Variants in ADGB observed in about 807,000 individuals in gnomAD.
The protein encoded by ADGB is calpain-7-like protein.
A neutral mutation model predicts 210.5 loss-of-function variants in ADGB; 172 were observed. The observed-to-expected ratio is 0.82, with a 90% CI of 0.72 to 0.93. The LOEUF (loss-of-function observed/expected upper bound fraction) is 0.93. Among genes scored for constraint, ADGB ranks in the 40% least tolerant of loss-of-function variants. ADGB has a pLI of 0.00. For synonymous variants in ADGB, 658 were observed against 662.7 expected, an observed-to-expected ratio of 0.99 and a Z score of 0.11; for missense variants, 2,025 against 1,964.8, an observed-to-expected ratio of 1.03 and a Z score of -0.58.
In ADGB at chr6:146,625,124, G is replaced by T. The variant is rs536317686; in HGVS notation, c.75-10251G>T. Among the ~76,000 whole-genome samples, 9 of 152,058 alleles carry T rather than the reference G, an allele frequency of 5.9e-5. No homozygotes were observed. In the South Asian group the frequency reaches 6.2e-4, roughly 10 times the overall value. ...ATTCTTTATCTTCTATAGCCTTATTGATTTTTGATTGGCTTATTCTATCAA... is the reference window on the plus strand; with the variant it reads ...ATTCTTTATCTTCTATAGCCTTATTTATTTTTGATTGGCTTATTCTATCAA... On this transcript the variant is annotated intron_variant, in intron 1 of 35. Transcript: ENST00000397944.
intron 9 of ADGB, among the ~76,000 whole-genome samples, chr6:146,679,490 G>A (rs552951206): frequency 1.3e-5 from 2 of 152,280 alleles, no homozygotes; most frequent in Non-Finnish European, 1.5e-5. Context: ...CAAAATAGCA[G>A]GGGACACACT....
chr6:146,724,331 T>G lies in ADGB; in HGVS notation c.2237+4T>G. 1 of 1,504,404 alleles carries G rather than the reference T, an allele frequency of 6.6e-7. No homozygotes were observed. The highest frequency in any genetic ancestry group is 8.9e-7 in the Non-Finnish European group (1 of 1,128,556). The allele number at this position is 1,504,404 out of a possible 1,614,324, so 93.2% of individuals were successfully genotyped here. ...CAGTGGTTCGTCTGCCTGTTGGGTA[T>G]GAAGTGGCTTCATTTTTCCCATAAT... On this transcript the variant is annotated splice_donor_region_variant and intron_variant, in intron 18 of 35. Transcript: ENST00000397944.
In ADGB at chr6:146,784,745, G is replaced by T. The variant is rs761609800; in HGVS notation, c.4163G>T (p.Arg1388Leu). ...GATACAGAAAGGGCAGATGAAATCC[G>T]AGCCATGAAACAAGCCTGGGAGACA... ...KKDTERADEI[R>L]AMKQAWETTE... The change falls in exon 31 of 36, where the codon CGA becomes CTA. Residue 1388 changes from arginine (R) to leucine (L), a missense_variant. Physicochemically the swap from Arg to Leu is moderately radical, Grantham distance 102. Coordinates refer to ENST00000397944, the MANE Select transcript of ADGB (RefSeq NM_024694.4). 1.9e-6 allele frequency: 3 copies of T among 1,550,926 alleles called. No homozygotes were observed. In the South Asian group the frequency reaches 3.6e-5, roughly 18 times the overall value.
intron 13 of ADGB, among the ~76,000 whole-genome samples, chr6:146,706,278 TGAGATG>T (rs1472293740): frequency 6.6e-6 from 1 of 151,130 alleles, no homozygotes; most frequent in Admixed American, 6.6e-5. Context: ...TTTTCTTTTT[TGAGATG>T]GAGTCTTGCT....
At chr6:146,803,618 T>A (rs1020082708) in intron 35 of ADGB, 1 of 1,344,316 alleles carries the variant, frequency 7.4e-7, no homozygotes, top group African/African-American at 1.5e-5. Flanking sequence ...TCAGTGAAAT[T>A]AGAGATCTTT....
At chr6:146,807,299 T>C (rs535056902) in intron 35 of ADGB, 5 of 1,144,378 alleles carry the variant, frequency 4.4e-6, no homozygotes, top group Non-Finnish European at 6.2e-6. Flanking sequence ...TGCCTATGAA[T>C]GTGTGGGCAT....
At chr6:146,625,838 A>G (rs976888066) in intron 1 of ADGB, among the ~76,000 whole-genome samples, 1 of 152,056 alleles carries the variant, frequency 6.6e-6, no homozygotes, top group Admixed American at 6.6e-5. Context: ...AGAATGGACT[A>G]ATACAGTTAG....
At chr6:146,739,369 C>T (rs1208054788) in intron 23 of ADGB, among the ~76,000 whole-genome samples, 1 of 152,066 alleles carries the variant, frequency 6.6e-6, no homozygotes, top group Non-Finnish European at 1.5e-5. Context: ...AATAATTAGG[C>T]CTGTAATAAT....
chr6:146,618,612 A>G (rs1415741796), intron 1 of ADGB, among the ~76,000 whole-genome samples: 1 of 151,480 alleles, frequency 6.6e-6, no homozygotes, highest in Non-Finnish European at 1.5e-5. Flanking sequence ...TCAGTTACAC[A>G]TTTGTTGATC....
At chr6:146,628,051 G>A (rs898172645) in intron 1 of ADGB, among the ~76,000 whole-genome samples, 1 of 152,112 alleles carries the variant, frequency 6.6e-6, no homozygotes. Flanking sequence ...TAAGATGGAA[G>A]TGATATTCCT....
intron 1 of ADGB, among the ~76,000 whole-genome samples, chr6:146,607,798 T>C (rs1324633033): frequency 6.6e-6 from 1 of 152,162 alleles, no homozygotes; most frequent in East Asian, 1.9e-4. Context: ...TTTGTTAGTA[T>C]TTTGTTGAGG....
chr6:146,640,163 A>G (rs1206176292), intron 2 of ADGB, among the ~76,000 whole-genome samples: 1 of 152,058 alleles, frequency 6.6e-6, no homozygotes, highest in Non-Finnish European at 1.5e-5. Context: ...AACCTAGAAG[A>G]GATGGATAAA....
At chr6:146,705,902 G>A (rs553999074) in intron 13 of ADGB, among the ~76,000 whole-genome samples, 1 of 152,142 alleles carries the variant, frequency 6.6e-6, no homozygotes, top group South Asian at 2.1e-4. Context: ...GAAGCCATAA[G>A]GTCCTGGACT....
chr6:146,775,359 T>G (rs1427093488), intron 29 of ADGB, among the ~76,000 whole-genome samples: 1 of 152,190 alleles, frequency 6.6e-6, no homozygotes, highest in Admixed American at 6.5e-5. Flanking sequence ...TATAAATGTT[T>G]AGAAACCTTG....
At chr6:146,619,852 T>C (rs778693135) in intron 1 of ADGB, among the ~76,000 whole-genome samples, 12 of 152,178 alleles carry the variant, frequency 7.9e-5, no homozygotes, top group Non-Finnish European at 1.8e-4. Flanking sequence ...ATTTCTTTTT[T>C]CTTATTTTAC....
intron 12 of ADGB, among the ~76,000 whole-genome samples, chr6:146,700,669 A>G (rs1776477336): frequency 6.6e-6 from 1 of 152,170 alleles, no homozygotes; most frequent in Non-Finnish European, 1.5e-5. Context: ...TTTGATCATC[A>G]AAATTCAAAG....
At chr6:146,624,316 G>T (rs1362732076) in intron 1 of ADGB, among the ~76,000 whole-genome samples, 2 of 151,700 alleles carry the variant, frequency 1.3e-5, no homozygotes, top group Non-Finnish European at 3.0e-5. Flanking sequence ...TTGTTAGTTT[G>T]CATATTTCAT....
intron 2 of ADGB, among the ~76,000 whole-genome samples, chr6:146,642,497 A>T (rs1214711186): frequency 6.6e-6 from 1 of 152,040 alleles, no homozygotes; most frequent in Non-Finnish European, 1.5e-5. Flanking sequence ...ATACCCATCA[A>T]TGACAGAATG....
chr6:146,669,961 C>T (rs1382251577), intron 7 of ADGB, among the ~76,000 whole-genome samples: 1 of 152,082 alleles, frequency 6.6e-6, no homozygotes, highest in Non-Finnish European at 1.5e-5. Context: ...CCTATTTATT[C>T]AAGCTAAAGA....
Sources: gnomAD v4.1 joint callset for allele counts (sites outside exome capture counted in the v4.1 genomes callset) on GRCh38, gnomAD v4.1.1 for gene constraint, MANE v1.5 for transcripts, NCBI Gene and HGNC (gene_info 2026-07-23, HGNC 2026-07-21) for gene names.